The following DPP10 variants were observed in gnomAD, a reference collection of about 807,000 sequenced individuals.
DPP10 encodes inactive dipeptidyl peptidase 10.
DPP10 carries 33 observed loss-of-function variants against 120.9 expected under a neutral mutation model. The observed-to-expected ratio is 0.27, with a 90% CI of 0.21 to 0.37. DPP10 has a LOEUF of 0.37. Ranked by LOEUF, DPP10 falls within the 10% of genes least tolerant of loss-of-function variation. The pLI, the probability that DPP10 is intolerant of heterozygous loss-of-function variation, is 1.00. For synonymous variants in DPP10, 337 were observed against 326.1 expected (o/e 1.03, Z -0.36); for missense variants, 816 against 942.8 (o/e 0.87, Z 1.76).
intron 1 of DPP10, among the ~76,000 whole-genome samples, chr2:115,195,577 A>G (rs940566664): frequency 2.6e-5 from 4 of 152,214 alleles, no homozygotes; most frequent in Non-Finnish European, 2.9e-5. Context: ...GCTTTTGACT[A>G]TATGTACCCA....
At position 114,585,680 on chromosome 2, in the gene DPP10, A is replaced by G. The variant is rs1025536354; in HGVS notation, c.60+142842A>G. Among the ~76,000 whole-genome samples, 6 of 152,160 alleles carry G rather than the reference A, an allele frequency of 3.9e-5. No homozygotes were observed. In the South Asian group the frequency reaches 6.2e-4, roughly 16 times the overall value. On this transcript the variant is annotated intron_variant, in intron 1 of 25. Transcript: ENST00000410059. Reference sequence around the variant, plus strand: ...AGCATTGCTGCAGAGTGGACATCCGATGGACAGTGGAATCTTCAATATTTC... The same window carrying G: ...AGCATTGCTGCAGAGTGGACATCCGGTGGACAGTGGAATCTTCAATATTTC...
intron 1 of DPP10, among the ~76,000 whole-genome samples, chr2:115,075,509 A>G (rs1707712449): frequency 6.6e-6 from 1 of 152,220 alleles, no homozygotes; most frequent in African/African-American, 2.4e-5. Context: ...CTATAGAAAT[A>G]GTTACTCATT....
intron 19 of DPP10, among the ~76,000 whole-genome samples, chr2:115,799,191 A>G (rs754193660): frequency 7.9e-5 from 12 of 152,084 alleles, no homozygotes; most frequent in Non-Finnish European, 8.8e-5. Flanking sequence ...CTGCGCCACT[A>G]TGACAGTGCA....
chr2:115,570,813 A>G (rs1035202117), intron 5 of DPP10, among the ~76,000 whole-genome samples: 1 of 152,274 alleles, frequency 6.6e-6, no homozygotes, highest in African/African-American at 2.4e-5. Context: ...ATGAACAAAT[A>G]ATGTAACTAT....
chr2:115,462,967 C>G (rs2074082493), intron 3 of DPP10, among the ~76,000 whole-genome samples: 1 of 152,144 alleles, frequency 6.6e-6, no homozygotes, highest in African/African-American at 2.4e-5. Context: ...TGAGCTCAGG[C>G]AATCTGCTTG....
chr2:115,257,692 G>A (rs1027644853), intron 1 of DPP10, among the ~76,000 whole-genome samples: 1 of 152,156 alleles, frequency 6.6e-6, no homozygotes, highest in African/African-American at 2.4e-5. Flanking sequence ...TGGATAGGAT[G>A]TACAACTAAG....
At chr2:114,552,197 G>A (rs4289198) in intron 1 of DPP10, among the ~76,000 whole-genome samples, 27,096 of 152,166 alleles carry the variant, frequency 0.18, 2,528 homozygotes, top group Non-Finnish European at 0.21. Context: ...CAGTTTTGTT[G>A]CCAGTGCAGT....
intron 1 of DPP10, among the ~76,000 whole-genome samples, chr2:114,676,256 G>A (rs1698665926): frequency 6.6e-6 from 1 of 152,052 alleles, no homozygotes; most frequent in South Asian, 2.1e-4. Flanking sequence ...AAAAAATGGT[G>A]GATTAATCTT....
At chr2:115,039,338 G>T (rs1374293142) in intron 1 of DPP10, among the ~76,000 whole-genome samples, 1 of 152,178 alleles carries the variant, frequency 6.6e-6, no homozygotes, top group African/African-American at 2.4e-5. Flanking sequence ...ATTATATTTT[G>T]CTTCAGATAA....
chr2:114,915,527 A>G (rs543969783), intron 1 of DPP10, among the ~76,000 whole-genome samples: 1 of 152,334 alleles, frequency 6.6e-6, no homozygotes, highest in Admixed American at 6.5e-5. Context: ...AATCCATCCA[A>G]CAGTAACATA....
chr2:115,585,471 G>A (rs2082232095), intron 5 of DPP10, among the ~76,000 whole-genome samples: 1 of 152,184 alleles, frequency 6.6e-6, no homozygotes, highest in South Asian at 2.1e-4. Flanking sequence ...TACTTTTCAT[G>A]TGCAAAACAC....
intron 3 of DPP10, among the ~76,000 whole-genome samples, chr2:115,384,377 AAAGCAG>A (rs773960328): frequency 1.3e-3 from 187 of 148,926 alleles, no homozygotes; most frequent in Admixed American, 1.7e-3. Flanking sequence ...CTGTCTCAGA[AAAGCAG>A]AAGCAGAAGC....
At chr2:114,964,171 A>G (rs1698841920) in intron 1 of DPP10, among the ~76,000 whole-genome samples, 1 of 152,244 alleles carries the variant, frequency 6.6e-6, no homozygotes, top group South Asian at 2.1e-4. Context: ...GTGACTATGA[A>G]CATAAAAGCA....
chr2:114,538,350 G>A (rs761119140), intron 1 of DPP10, among the ~76,000 whole-genome samples: 3 of 152,140 alleles, frequency 2.0e-5, no homozygotes, highest in Non-Finnish European at 4.4e-5. Flanking sequence ...AGCTCAGAAT[G>A]TTAGGTGGCA....
intron 5 of DPP10, among the ~76,000 whole-genome samples, chr2:115,566,364 AT>A (rs1173478650): frequency 1.3e-5 from 2 of 151,624 alleles, no homozygotes; most frequent in Non-Finnish European, 2.9e-5. Context: ...TTTTCTCTTC[AT>A]TTTTTTCTAT....
At chr2:114,759,859 A>G (rs977281268) in intron 1 of DPP10, among the ~76,000 whole-genome samples, 3 of 152,180 alleles carry the variant, frequency 2.0e-5, no homozygotes, top group Non-Finnish European at 2.9e-5. Flanking sequence ...GCCAGGCCAA[A>G]TAGCAAGTAA....
chr2:114,569,392 C>T (rs1394818362), intron 1 of DPP10, among the ~76,000 whole-genome samples: 1 of 152,204 alleles, frequency 6.6e-6, no homozygotes, highest in Admixed American at 6.5e-5. Context: ...CCCAACTTTG[C>T]TTTCCACAGC....
At chr2:115,027,225 T>C (rs1703526755) in intron 1 of DPP10, among the ~76,000 whole-genome samples, 1 of 152,174 alleles carries the variant, frequency 6.6e-6, no homozygotes, top group Non-Finnish European at 1.5e-5. Flanking sequence ...TTGATTCCAA[T>C]GACTATTTTG....
chr2:114,669,451 G>C (rs2105618078), intron 1 of DPP10, among the ~76,000 whole-genome samples: 1 of 152,150 alleles, frequency 6.6e-6, no homozygotes, highest in African/African-American at 2.4e-5. Flanking sequence ...ACTGTGGATG[G>C]GGAAGACTCC....
Sources: gnomAD v4.1 joint callset for allele counts (sites outside exome capture counted in the v4.1 genomes callset) on GRCh38, gnomAD v4.1.1 for gene constraint, MANE v1.5 for transcripts, NCBI Gene and HGNC (gene_info 2026-07-23, HGNC 2026-07-21) for gene names.